Variants in IQSEC2 observed in about 807,000 individuals in gnomAD.
IQSEC2 encodes the protein IQ motif and SEC7 domain-containing protein 2.
IQSEC2 carries 6 observed loss-of-function variants against 74.6 expected under a neutral mutation model. The observed-to-expected ratio is 0.08, with a 90% CI of 0.04 to 0.16. The LOEUF (loss-of-function observed/expected upper bound fraction) is 0.16. Ranked by LOEUF, IQSEC2 falls within the 10% of genes least tolerant of loss-of-function variation. The probability of loss-of-function intolerance (pLI) is 1.00; values close to 1 mark genes in which losing one functional copy is unlikely to be tolerated. For synonymous variants in IQSEC2, 494 were observed against 544.5 expected, an observed-to-expected ratio of 0.91 and a Z score of 1.29; for missense variants, 734 against 1,306.2, an observed-to-expected ratio of 0.56 and a Z score of 6.75.
rs2074441995 is a variant in IQSEC2, at chrX:53,254,764, C to T, written c.1167G>A (p.Arg389=). The change falls in exon 4 of 15, where the codon CGG becomes CGA. Residue 389 remains arginine (R), a synonymous_variant. Transcript: ENST00000642864. Reference sequence around the variant, plus strand: ...CATACTCCTCAAAGGAGAACTGCATCCGCATGTTGGAAAGGATGATGCGGC... The same window carrying T: ...CATACTCCTCAAAGGAGAACTGCATTCGCATGTTGGAAAGGATGATGCGGC... The part of the protein sequence containing the change: ...MSRRIILSNM[R]MQFSFEEYEK... The T allele has an allele frequency of 3.3e-6, 4 of 1,203,633 alleles. No individual in the cohort carries two copies. The South Asian group carries it at 5.4e-5, about 16-fold the overall frequency.
chrX:53,300,264 C>G (rs1175251141), intron 1 of IQSEC2, among the ~76,000 whole-genome samples: 1 of 111,421 alleles, frequency 9.0e-6, no homozygotes, highest in Admixed American at 9.6e-5. Context: ...GGGAAAGCAA[C>G]AGAGAGAAAT....
In IQSEC2 at chrX:53,236,465, C is replaced by T. The variant is rs1556859740; in HGVS notation, c.3308G>A (p.Arg1103Gln). 1 of 1,200,443 alleles carries T rather than the reference C, an allele frequency of 8.3e-7. No homozygotes were observed. The highest frequency in any genetic ancestry group is 1.1e-6 in the Non-Finnish European group (1 of 889,477). The change falls in exon 13 of 15, where the codon CGG (arginine) becomes CAG (glutamine). Residue 1103 changes from arginine (R) to glutamine (Q), a missense_variant. Arg to Gln is a conservative substitution (Grantham distance 43, BLOSUM62 1). Transcript: ENST00000642864. ...SELEKQKGMM[R>Q]PNASQPGGAK... The stretch of plus-strand genomic sequence containing the variant: ...CCCTCCAGGCTGTGAGGCGTTAGGC[C>T]GCATCATACCTTTCTGCTTCTCCAG...
In IQSEC2 at chrX:53,235,188, G is replaced by C; in HGVS notation, c.3502-4C>G. 1 of 1,164,434 alleles carries C rather than the reference G, an allele frequency of 8.6e-7. No homozygotes were observed. Among genetic ancestry groups the C allele is most frequent in the East Asian group, 3.3e-5 (1 of 30,762 alleles). On this transcript the variant is annotated splice_region_variant and splice_polypyrimidine_tract_variant and intron_variant, in intron 14 of 14. Transcript: ENST00000642864. ...GTGGACTGCTAATAACAGACCCCTG[G>C]AAGCGGGGAGGGGGGAAGTCAGGCC...
chrX:53,298,834 T>C (rs1303073265), intron 1 of IQSEC2, among the ~76,000 whole-genome samples: 4 of 111,653 alleles, frequency 3.6e-5, no homozygotes, highest in Non-Finnish European at 5.6e-5. Flanking sequence ...TTCTAATCCT[T>C]CTGCTGAAAT....
chrX:53,243,047 T>C (rs920909242), intron 9 of IQSEC2, among the ~76,000 whole-genome samples: 12 of 112,204 alleles, frequency 1.1e-4, no homozygotes, highest in Non-Finnish European at 1.9e-4. Context: ...CTAAAGTGTG[T>C]TCTTACTTTG....
At chrX:53,257,329 G>A (rs1176200662) in intron 2 of IQSEC2, among the ~76,000 whole-genome samples, 1 of 112,867 alleles carries the variant, frequency 8.9e-6, no homozygotes, top group Non-Finnish European at 1.9e-5. Flanking sequence ...TGCACTGGGG[G>A]CTGGATGTGG....
In IQSEC2 at chrX:53,234,730, T is replaced by C. The variant is rs1556859109; in HGVS notation, c.3956A>G (p.His1319Arg). ...TGGGCCATGGGCGTGGAAGTGGCGA[T>C]GTGGCCCCACAGGTGGGGCTGAGGC... The part of the protein sequence containing the change: ...PPASAPPVGP[H>R]RHFHAHGPVP... The change falls in exon 15 of 15, where the codon CAT becomes CGT. Residue 1319 changes from histidine (H) to arginine (R), a missense_variant. Coordinates refer to ENST00000642864, the MANE Select transcript of IQSEC2 (RefSeq NM_001111125.3). The C allele has an allele frequency of 9.0e-7, 1 of 1,109,440 alleles. No homozygotes were observed. The highest frequency in any genetic ancestry group is 2.2e-5 in the South Asian group (1 of 45,989). The allele number at this position is 1,109,440 out of a possible 1,213,427, so 91.4% of individuals were successfully genotyped here. A position where few individuals can be genotyped will look rare whatever the true frequency, so the allele number is the denominator to read the frequency against.
chrX:53,287,465 C>T (rs1291363141), intron 2 of IQSEC2, among the ~76,000 whole-genome samples: 1 of 112,887 alleles, frequency 8.9e-6, no homozygotes, highest in East Asian at 2.8e-4. Flanking sequence ...CAGCAGCAAC[C>T]AGATATGGTT....
At chrX:53,313,545 C>T (rs1004537398) in intron 1 of IQSEC2, among the ~76,000 whole-genome samples, 2 of 111,501 alleles carry the variant, frequency 1.8e-5, no homozygotes, top group African/African-American at 6.5e-5. Context: ...AACGAGCTTC[C>T]CCAAAAGAGG....
intron 2 of IQSEC2, chrX:53,266,629 T>G: frequency 2.4e-6 from 2 of 821,222 alleles, no homozygotes; most frequent in Non-Finnish European, 1.5e-6. Flanking sequence ...ACCTCTCCAG[T>G]AGTGGCAGGC....
At chrX:53,268,759 C>T (rs781983937) in intron 2 of IQSEC2, among the ~76,000 whole-genome samples, 3 of 112,133 alleles carry the variant, frequency 2.7e-5, no homozygotes, top group Non-Finnish European at 5.6e-5. Context: ...TATGGCCTCA[C>T]CAGGCCTTTC....
intron 1 of IQSEC2, among the ~76,000 whole-genome samples, chrX:53,311,944 A>T (rs928037402): frequency 1.8e-5 from 2 of 111,396 alleles, no homozygotes; most frequent in Non-Finnish European, 3.8e-5. Flanking sequence ...AAAACAACAC[A>T]AAAACAAAAC....
chrX:53,283,225 G>C (rs28670941), intron 2 of IQSEC2, among the ~76,000 whole-genome samples: 12 of 111,939 alleles, frequency 1.1e-4, no homozygotes, highest in Non-Finnish European at 1.1e-4. Context: ...AAAAGAAAAA[G>C]AAAGAAAGAA....
At chrX:53,238,330 C>T in intron 11 of IQSEC2, 24 bp from the exon 12 acceptor site, 1 of 1,203,974 alleles carries the variant, frequency 8.3e-7, no homozygotes, top group Non-Finnish European at 1.1e-6. Flanking sequence ...GGAGACTGGG[C>T]ACCTCTGTTG....
At chrX:53,260,369 T>C (rs1332563457) in intron 2 of IQSEC2, among the ~76,000 whole-genome samples, 3 of 110,364 alleles carry the variant, frequency 2.7e-5, no homozygotes, top group South Asian at 3.8e-4. Context: ...TGAGAGGAGA[T>C]AGGAGGTAAG....
chrX:53,309,267 G>A (rs781805404), intron 1 of IQSEC2, among the ~76,000 whole-genome samples: 12 of 111,931 alleles, frequency 1.1e-4, no homozygotes, highest in Non-Finnish European at 2.1e-4. Context: ...TGAAGTTACC[G>A]CCAGAAGAAC....
Position 53,248,702 on chromosome X carries a change from C to T in IQSEC2, c.2459+19G>A, listed in dbSNP as rs1057522303. The T allele has an allele frequency of 3.3e-6, 4 of 1,206,310 alleles. No homozygotes were observed. The African/African-American group carries it at 5.3e-5, about 16-fold the overall frequency. ...TCCAGGAATCCCTGGCCCAGCCTGC[C>T]CCATCCTGGGGTCCTCACTCCAACA... is the stretch of plus-strand genomic sequence containing the variant. On this transcript the variant is annotated intron_variant, in intron 6 of 14. Coordinates refer to ENST00000642864, the MANE Select transcript of IQSEC2 (RefSeq NM_001111125.3).
chrX:53,264,056 C>T (rs2074613914), intron 2 of IQSEC2, among the ~76,000 whole-genome samples: 2 of 112,394 alleles, frequency 1.8e-5, no homozygotes, highest in African/African-American at 3.2e-5. Context: ...CACAGCCTCA[C>T]GTGCTTAAAA....
chrX:53,291,105 A>C (rs1181151267), intron 2 of IQSEC2, among the ~76,000 whole-genome samples: 1 of 111,519 alleles, frequency 9.0e-6, no homozygotes, highest in African/African-American at 3.3e-5. Flanking sequence ...CTGGATGTTA[A>C]GGCTGAGTGG....
Sources: allele counts gnomAD v4.1 joint callset (sites outside exome capture counted in the v4.1 genomes callset), GRCh38; gene constraint gnomAD v4.1.1; transcripts MANE v1.5; gene names NCBI Gene and HGNC (gene_info 2026-07-23, HGNC 2026-07-21).